The following USP36 variants were observed in gnomAD, a reference collection of about 807,000 sequenced individuals.
The protein encoded by USP36 is ubiquitin specific peptidase 36.
Under a neutral mutation model 111.5 loss-of-function variants are expected in USP36, and 59 were observed. The observed-to-expected ratio is 0.53, with a 90% CI of 0.43 to 0.66. The LOEUF is 0.66. Among genes scored for constraint, USP36 ranks in the 30% least tolerant of loss-of-function variants. USP36 has a pLI of 0.00. For synonymous variants in USP36, 628 were observed against 581.0 expected (o/e 1.08, Z -1.16); for missense variants, 1,488 against 1,468.0 (o/e 1.01, Z -0.22).
intron 6 of USP36, among the ~76,000 whole-genome samples, chr17:78,824,475 T>A (rs1163420520): frequency 1.3e-5 from 2 of 152,002 alleles, no homozygotes; most frequent in Non-Finnish European, 2.9e-5. Context: ...GTCCAGGAGG[T>A]GGAGCCTGCC....
At chr17:78,832,178 C>T (rs2068196526) in intron 4 of USP36, among the ~76,000 whole-genome samples, 1 of 152,202 alleles carries the variant, frequency 6.6e-6, no homozygotes, top group Admixed American at 6.5e-5. Flanking sequence ...TCCTCCTAGA[C>T]TATTTACACA....
intron 13 of USP36, among the ~76,000 whole-genome samples, chr17:78,810,600 T>C (rs1403413438): frequency 1.3e-5 from 2 of 152,174 alleles, no homozygotes; most frequent in African/African-American, 4.8e-5. Context: ...CCTAACTTCC[T>C]AGTCTGGGCT....
intron 13 of USP36, among the ~76,000 whole-genome samples, chr17:78,811,955 A>G (rs1180627588): frequency 1.3e-5 from 2 of 152,186 alleles, no homozygotes; most frequent in African/African-American, 4.8e-5. Context: ...CTGAGAGGCC[A>G]AGACAGGAGA....
intron 10 of USP36, among the ~76,000 whole-genome samples, chr17:78,816,226 C>T (rs1203684292): frequency 1.3e-5 from 2 of 151,534 alleles, no homozygotes; most frequent in Non-Finnish European, 2.9e-5. Context: ...GTGGTACATT[C>T]ATAGCTCACT....
rs1289531522 is a variant in USP36 at position 78,813,754 on chromosome 17, G to A, written c.1265+19C>T. On this transcript the variant is annotated intron_variant, in intron 12 of 20. Transcript: ENST00000449938. Reference sequence around the variant, plus strand: ...AGCAGAGGGAGTGAGCTCATCTGGGGAGGGCGTGAGTTTATTACCGCAGAT... The same window carrying A: ...AGCAGAGGGAGTGAGCTCATCTGGGAAGGGCGTGAGTTTATTACCGCAGAT... 1.9e-6 allele frequency: 3 copies of A among 1,610,202 alleles called. No homozygotes were observed. Among genetic ancestry groups the A allele is most frequent in the East Asian group, 2.2e-5 (1 of 44,854 alleles).
chr17:78,806,406 A>G, intron 14 of USP36, 120 bp from the exon 15 acceptor site: 4 of 1,374,702 alleles, frequency 2.9e-6, no homozygotes, highest in Non-Finnish European at 3.9e-6. Context: ...AAAAAAGATG[A>G]GGAGACAGAA....
In USP36 at chr17:78,835,909, C is replaced by G. The variant is rs1282785002; in HGVS notation, c.253+202G>C. ...CAAGTCCAAGGACCCACCAAGTACA[C>G]AGATCCACCAAGCACACAGATTTCC... On this transcript the variant is annotated intron_variant, in intron 3 of 20. Coordinates refer to ENST00000449938, the MANE Select transcript of USP36 (RefSeq NM_001385174.1). The G allele has an allele frequency of 4.0e-6, 3 of 754,414 alleles. No homozygotes were observed. The East Asian group carries it at 8.2e-5, about 21-fold the overall frequency. The allele number at this position is 754,414 out of a possible 1,614,324, so 46.7% of individuals were successfully genotyped here. A position where few individuals can be genotyped will look rare whatever the true frequency, so the allele number is the denominator to read the frequency against.
chr17:78,827,401 C>T (rs2067661330), intron 5 of USP36, 54 bp from the exon 6 acceptor site: 2 of 1,540,176 alleles, frequency 1.3e-6, no homozygotes, highest in South Asian at 1.2e-5. Flanking sequence ...ATCAAACGGC[C>T]TGCGGCTGCT....
At chr17:78,825,949 G>A (rs1440883359) in intron 6 of USP36, among the ~76,000 whole-genome samples, 1 of 152,162 alleles carries the variant, frequency 6.6e-6, no homozygotes, top group Admixed American at 6.5e-5. Flanking sequence ...CATTGCAAAC[G>A]CTGCTGGGGT....
In USP36 at chr17:78,807,350, C is replaced by G. The variant is rs543337655; in HGVS notation, c.1694G>C (p.Gly565Ala). Residue 565 changes from glycine to alanine, a missense_variant, in exon 14 of 21, where the codon GGG becomes GCG. Gly to Ala is a moderately conservative substitution (Grantham distance 60). This residue lies in a region of USP36 where 1,073 missense variants were observed against 994.1 expected (regional missense o/e 1.08). Coordinates refer to ENST00000449938, the MANE Select transcript of USP36 (RefSeq NM_001385174.1). ...GTSNSNSSRS[G>A]SQRQGSWDSR... is the part of the protein sequence containing the mutation. ...GTCCCAGGAGCCCTGCCTTTGGCTC[C>G]CAGATCTGCTGCTATTCGAGTTGCT... 5.6e-6 allele frequency: 9 copies of G among 1,614,192 alleles called. No homozygotes were observed. The African/African-American group carries it at 1.2e-4, about 22-fold the overall frequency.
chr17:78,812,714 AAAAAG>A (rs1458594219), intron 13 of USP36, 141 bp downstream of exon 13: 12 of 868,756 alleles, frequency 1.4e-5, no homozygotes, highest in African/African-American at 5.2e-5. Context: ...AAAAAAAAAA[AAAAAG>A]AAAAGAAAAG....
chr17:78,807,112 G>T lies in USP36; in HGVS notation c.1932C>A (p.Asn644Lys). ...AAHLCDSQET[N>K]CSTAGHSKTP... is the part of the protein sequence containing the mutation. The stretch of plus-strand genomic sequence containing the variant: ...TTTTGGAGTGGCCAGCGGTGGAACA[G>T]TTCGTTTCCTGAGAATCGCAGAGAT... The change falls in exon 14 of 21, where the codon AAC becomes AAA. Residue 644 changes from asparagine (N) to lysine (K), a missense_variant. Around this residue, in one of 3 missense-constraint regions of USP36, gnomAD observed 1,073 missense variants for 994.1 expected, o/e 1.08. Transcript: ENST00000449938. 6.2e-7 allele frequency: 1 copy of T among 1,614,252 alleles called. No homozygotes were observed. Among genetic ancestry groups the T allele is most frequent in the South Asian group, 1.1e-5 (1 of 91,086 alleles).
At chr17:78,833,462 T>C (rs1454896486) in intron 4 of USP36, among the ~76,000 whole-genome samples, 3 of 151,996 alleles carry the variant, frequency 2.0e-5, no homozygotes, top group Admixed American at 6.5e-5. Flanking sequence ...CAGTCACTTC[T>C]ATAGCACTCC....
At position 78,807,395 on chromosome 17, in the gene USP36, G is replaced by A. The variant is rs2093935705; in HGVS notation, c.1649C>T (p.Ala550Val). Residue 550 changes from alanine (A) to valine (V), a missense_variant, in exon 14 of 21, where the codon GCT becomes GTT. By Grantham distance (64) the Ala-to-Val change is moderately conservative. This residue lies in a region of USP36 where 1,073 missense variants were observed against 994.1 expected (regional missense o/e 1.08). Coordinates refer to ENST00000449938, the MANE Select transcript of USP36 (RefSeq NM_001385174.1). The stretch of plus-strand genomic sequence containing the variant: ...GTTGCTGGTCCCAGGCAGCCCCTGA[G>A]CAGTTCTGGGGGAAAAGTGCTGTGG... ...APPQHFSPRT[A>V]QGLPGTSNSN... 2.5e-6 allele frequency: 4 copies of A among 1,614,094 alleles called. No homozygotes were observed. Among genetic ancestry groups the A allele is most frequent in the Non-Finnish European group, 3.4e-6 (4 of 1,180,050 alleles).
chr17:78,828,825 C>T (rs377403888), intron 5 of USP36, 72 bp downstream of exon 5: 26 of 1,451,048 alleles, frequency 1.8e-5, no homozygotes, highest in East Asian at 1.5e-4. Context: ...GGCAACATAG[C>T]GAGAACCCCA....
Position 78,835,448 on chromosome 17 carries a change from C to T in USP36, c.307G>A (p.Val103Met). ...GACAGTCGCTCCGTGGGGAAAAGCA[C>T]TTTCTGCGGGGCTGGGACTCCGTCA... ...CGDGVPAPQKVLFPTERLSLR... is the reference protein window; with the variant it reads ...CGDGVPAPQKMLFPTERLSLR... The change falls in exon 4 of 21, where the codon GTG becomes ATG. Residue 103 changes from valine to methionine, a missense_variant. Val to Met is a conservative substitution (Grantham distance 21). This residue lies in a region of USP36 where 219 missense variants were observed against 209.5 expected (regional missense o/e 1.05). Coordinates refer to ENST00000449938, the MANE Select transcript of USP36 (RefSeq NM_001385174.1). The T allele has an allele frequency of 6.2e-7, 1 of 1,613,856 alleles. No homozygotes were observed. The highest frequency in any genetic ancestry group is 8.5e-7 in the Non-Finnish European group (1 of 1,179,884).
At position 78,836,339 on chromosome 17, in the gene USP36, C is replaced by T; in HGVS notation, c.25G>A (p.Glu9Lys). Reference sequence around the variant, plus strand: ...TCCTTGCGGCCGGGTTTCAGGGCCTCCTTCAACTTATCCACTATTGGCATG... The same window carrying T: ...TCCTTGCGGCCGGGTTTCAGGGCCTTCTTCAACTTATCCACTATTGGCATG... The part of the protein sequence containing the change: MPIVDKLK[E>K]ALKPGRKDSA... The change falls in exon 3 of 21, where the codon GAG becomes AAG. Residue 9 changes from glutamate (E) to lysine (K), a missense_variant. Coordinates refer to ENST00000449938, the MANE Select transcript of USP36 (RefSeq NM_001385174.1). 1 of 1,614,138 alleles carries T rather than the reference C, an allele frequency of 6.2e-7. No individual in the cohort carries two copies. Among genetic ancestry groups the T allele is most frequent in the Non-Finnish European group, 8.5e-7 (1 of 1,180,030 alleles).
intron 1 of USP36, among the ~76,000 whole-genome samples, chr17:78,840,113 A>C (rs1012720411): frequency 4.0e-5 from 6 of 151,766 alleles, no homozygotes; most frequent in African/African-American, 7.3e-5. Flanking sequence ...CCGCGGACAC[A>C]GCGACCCGAG....
rs1442005899 is a variant in USP36 at position 78,796,300 on chromosome 17, G to A, written c.*1600C>T. On this transcript the variant is annotated 3_prime_UTR_variant, in exon 21 of 21. Coordinates refer to ENST00000449938, the MANE Select transcript of USP36 (RefSeq NM_001385174.1). The stretch of plus-strand genomic sequence containing the variant: ...ACAGGAATGCAAGTCAACACCCCGA[G>A]AAGAAAAGGAACATACCCTGCCCGT... 1 of 152,182 alleles carries A rather than the reference G, an allele frequency of 6.6e-6. No homozygotes were observed. Among genetic ancestry groups the A allele is most frequent in the Non-Finnish European group, 1.5e-5 (1 of 68,064 alleles). 9.4% of individuals were successfully genotyped at this position (152,182 alleles called of 1,614,324 possible).
Sources: gnomAD v4.1 joint callset for allele counts (sites outside exome capture counted in the v4.1 genomes callset) on GRCh38, gnomAD v4.1.1 for gene constraint, gnomAD v4.1.1 regional missense constraint, MANE v1.5 for transcripts, NCBI Gene and HGNC (gene_info 2026-07-23, HGNC 2026-07-21) for gene names.